Variants in SH2B3 observed in about 807,000 individuals in gnomAD.
The protein encoded by SH2B3 is SH2B adaptor protein 3.
SH2B3 carries 43 observed loss-of-function variants against 51.9 expected under a neutral mutation model. The observed-to-expected ratio is 0.83, with a 90% CI of 0.65 to 1.07. SH2B3 has a LOEUF of 1.07. Among genes scored for constraint, SH2B3 ranks in the 50% least tolerant of loss-of-function variants. SH2B3 has a pLI of 0.00. For missense variants in SH2B3, 952 were observed against 834.3 expected (o/e 1.14, Z -1.74); for synonymous variants, 396 against 376.0 (o/e 1.05, Z -0.62).
Position 111,410,077 on chromosome 12 carries a change from G to T in SH2B3, c.-28+3800G>T, listed in dbSNP as rs970054136. On this transcript the variant is annotated intron_variant, in intron 1 of 7. Transcript: ENST00000341259. The surrounding 1 kb of genome is among the most constrained non-coding windows in gnomAD (Gnocchi z 4.9). ...CCCCCCGGCTGGCCAGTGGGGAGCC[G>T]GCTGCTGCCCAGGACATGTGTCCCC... is the stretch of plus-strand genomic sequence containing the variant. Among the ~76,000 whole-genome samples, 3 of 152,162 alleles carry T rather than the reference G, an allele frequency of 2.0e-5. No homozygotes were observed. The highest frequency in any genetic ancestry group is 7.2e-5 in the African/African-American group (3 of 41,444).
chr12:111,436,072 T>G (rs1241290978), intron 2 of SH2B3, among the ~76,000 whole-genome samples: 1 of 152,184 alleles, frequency 6.6e-6, no homozygotes, highest in Non-Finnish European at 1.5e-5. Flanking sequence ...TGGAAGCTGC[T>G]GCATGCCCTG....
intron 2 of SH2B3, among the ~76,000 whole-genome samples, chr12:111,421,066 T>A (rs1011216985): frequency 6.6e-6 from 1 of 152,132 alleles, no homozygotes; most frequent in Non-Finnish European, 1.5e-5. Context: ...ACATACCACC[T>A]CTTATCACCA....
In SH2B3 at chr12:111,413,898, G is replaced by A. The variant is rs542684878; in HGVS notation, c.-27-4221G>A. 7.9e-5 allele frequency among the ~76,000 whole-genome samples: 12 copies of A among 152,364 alleles called. No individual in the cohort carries two copies. In the South Asian group the frequency reaches 2.5e-3, roughly 32 times the overall value. ...AAGGTCAAGTTCAGTTGGGAGCTCAGAAGAGGCTTCTCTTATGTGCAATTG... is the reference window on the plus strand; with the variant it reads ...AAGGTCAAGTTCAGTTGGGAGCTCAAAAGAGGCTTCTCTTATGTGCAATTG... On this transcript the variant is annotated intron_variant, in intron 1 of 7. Transcript: ENST00000341259.
chr12:111,430,606 C>T (rs536368543), intron 2 of SH2B3, among the ~76,000 whole-genome samples: 28 of 152,086 alleles, frequency 1.8e-4, no homozygotes, highest in African/African-American at 5.5e-4. Context: ...GGTCCAGGGG[C>T]GAAGGGTGGA....
intron 2 of SH2B3, among the ~76,000 whole-genome samples, chr12:111,430,743 A>C (rs895831775): frequency 1.3e-5 from 2 of 152,178 alleles, no homozygotes; most frequent in African/African-American, 4.8e-5. Context: ...ATGGGATGCC[A>C]GCACTTGCCT....
rs1874069606 is a variant in SH2B3 at position 111,447,166 on chromosome 12, T to C, written c.968T>C (p.Leu323Pro). Reference protein sequence around the residue: ...TEAEMHIPSALEPSTSSSPRG... With the variant: ...TEAEMHIPSAPEPSTSSSPRG... ...GCAGAGATGCATATTCCCTCAGCCC[T>C]AGAGCCTAGCACGTCCAGCTCCCCA... The change falls in exon 5 of 8, where the codon CTA becomes CCA. Residue 323 changes from leucine (L) to proline (P), a missense_variant. Coordinates refer to ENST00000341259, the MANE Select transcript of SH2B3 (RefSeq NM_005475.3). 1 of 1,614,076 alleles carries C rather than the reference T, an allele frequency of 6.2e-7. No individual in the cohort carries two copies. Among genetic ancestry groups the C allele is most frequent in the East Asian group, 2.2e-5 (1 of 44,866 alleles).
At chr12:111,412,473 G>A (rs905377243) in intron 1 of SH2B3, among the ~76,000 whole-genome samples, 2 of 152,340 alleles carry the variant, frequency 1.3e-5, no homozygotes, top group African/African-American at 4.8e-5. Flanking sequence ...CATGGCGGGC[G>A]AGCCTGACTC....
Position 111,447,547 on chromosome 12 carries a change from A to T in SH2B3, c.1236+3A>T. 11 of 587,534 alleles carry T rather than the reference A, an allele frequency of 1.9e-5. No homozygotes were observed. Among genetic ancestry groups the T allele is most frequent in the South Asian group, 1.1e-4 (6 of 56,020 alleles). 36.4% of individuals were successfully genotyped at this position (587,534 alleles called of 1,614,324 possible). On this transcript the variant is annotated splice_donor_region_variant and intron_variant, in intron 6 of 7. Transcript: ENST00000341259. ...TCAACTTTCAGGGGATAGCCAAGGT[A>T]TGGGGTGGGGTGGGGTGGGGTGGGG... is the stretch of plus-strand genomic sequence containing the variant.
chr12:111,408,709 T>C (rs1870436809), intron 1 of SH2B3, among the ~76,000 whole-genome samples: 1 of 152,054 alleles, frequency 6.6e-6, no homozygotes, highest in African/African-American at 2.4e-5. Flanking sequence ...TGTCCCACAG[T>C]CTGGGCCAAT....
rs975460230 is a variant in SH2B3, at chr12:111,409,315, C to G, written c.-28+3038C>G. On this transcript the variant is annotated intron_variant, in intron 1 of 7. Coordinates refer to ENST00000341259, the MANE Select transcript of SH2B3 (RefSeq NM_005475.3). The surrounding 1 kb of genome is among the most constrained non-coding windows in gnomAD (Gnocchi z 4.0). ...TGGTTTTGAGAAAAGGAGGCATGCA[C>G]AGTGCCCGGCATGCAATTGGCACTC... Among the ~76,000 whole-genome samples, 3 of 152,332 alleles carry G rather than the reference C, an allele frequency of 2.0e-5. No homozygotes were observed. The East Asian group carries it at 5.8e-4, about 29-fold the overall frequency.
In SH2B3 at chr12:111,407,314, A is replaced by C. The variant is rs1316232047; in HGVS notation, c.-28+1037A>C. The stretch of plus-strand genomic sequence containing the variant: ...TTCAGAGCAGAGGCCCCGGCAAGGC[A>C]ATGTCGGCAAGGCCAGCTTTGGTGG... On this transcript the variant is annotated intron_variant, in intron 1 of 7. Transcript: ENST00000341259. This position sits in a 1 kb window ranked among gnomAD's most constrained non-coding sequence, Gnocchi z 4.3. Among the ~76,000 whole-genome samples, 1 of 152,068 alleles carries C rather than the reference A, an allele frequency of 6.6e-6. No individual in the cohort carries two copies. Among genetic ancestry groups the C allele is most frequent in the Non-Finnish European group, 1.5e-5 (1 of 68,010 alleles).
At chr12:111,439,983 C>T (rs1021342621) in intron 2 of SH2B3, among the ~76,000 whole-genome samples, 10 of 152,196 alleles carry the variant, frequency 6.6e-5, no homozygotes, top group African/African-American at 2.4e-4. Flanking sequence ...CCGTGCCTCC[C>T]CTCCTGCACA....
In SH2B3 at chr12:111,418,239, T is replaced by C; in HGVS notation, c.94T>C (p.Leu32=). ...GCGGGGCTGGAGCGAGTTCTGTGAG[T>C]TGCACGCCGTAGCGGCGGCCCGGGA... The part of the protein sequence containing the change: ...APRGWSEFCE[L]HAVAAARELA... Residue 32 remains leucine (L), a synonymous_variant, in exon 2 of 8, where the codon TTG becomes CTG. Transcript: ENST00000341259. The surrounding 1 kb of genome is among the most constrained non-coding windows in gnomAD (Gnocchi z 6.7). 1 of 1,565,904 alleles carries C rather than the reference T, an allele frequency of 6.4e-7. No individual in the cohort carries two copies. The highest frequency in any genetic ancestry group is 8.6e-7 in the Non-Finnish European group (1 of 1,165,026).
chr12:111,447,270 G>C (rs762567092), intron 5 of SH2B3, 51 bp downstream of exon 5: 2 of 1,592,040 alleles, frequency 1.3e-6, no homozygotes, highest in Middle Eastern at 1.7e-4. Flanking sequence ...CTGGAACCCA[G>C]ACTCAGCCCA....
At position 111,418,574 on chromosome 12, in the gene SH2B3, C is replaced by T. The variant is rs1422809153; in HGVS notation, c.429C>T (p.Arg143=). The T allele has an allele frequency of 1.1e-5, 16 of 1,484,022 alleles. No individual in the cohort carries two copies. Among genetic ancestry groups the T allele is most frequent in the South Asian group, 1.2e-5 (1 of 80,552 alleles). The allele number at this position is 1,484,022 out of a possible 1,614,324, so 91.9% of individuals were successfully genotyped here. ...TCCAGCACTTTCGCCGCAGCCTCCG[C>T]CACATCTTCCGCCGCCGCTCGGCCG... is the stretch of plus-strand genomic sequence containing the variant. ...CSFQHFRRSL[R]HIFRRRSAGE... is the part of the protein sequence containing the mutation. Residue 143 remains arginine, a synonymous_variant, in exon 2 of 8, where the codon CGC becomes CGT. Coordinates refer to ENST00000341259, the MANE Select transcript of SH2B3 (RefSeq NM_005475.3). The surrounding 1 kb of genome is among the most constrained non-coding windows in gnomAD (Gnocchi z 6.7).
chr12:111,436,338 C>T (rs566782801), intron 2 of SH2B3, among the ~76,000 whole-genome samples: 10 of 152,304 alleles, frequency 6.6e-5, no homozygotes, highest in Non-Finnish European at 1.0e-4. Context: ...GACTTCCTGT[C>T]CATGTTTTGG....
rs572495880 is a variant in SH2B3, at chr12:111,446,813, C to A, written c.793C>A (p.Arg265=). The change falls in exon 3 of 8, where the codon CGG becomes AGG. Residue 265 remains arginine, a synonymous_variant. Transcript: ENST00000341259. The part of the protein sequence containing the change: ...SSIQEVRWCT[R]LEMPDNLYTF... ...CATCCAGGAGGTCCGGTGGTGCACA[C>A]GGCTTGAGATGCCTGACAACCTTTA... 1.3e-6 allele frequency: 2 copies of A among 1,580,742 alleles called. No individual in the cohort carries two copies. The highest frequency in any genetic ancestry group is 1.7e-6 in the Non-Finnish European group (2 of 1,160,500).
chr12:111,437,211 T>C (rs1436425427), intron 2 of SH2B3, among the ~76,000 whole-genome samples: 1 of 152,050 alleles, frequency 6.6e-6, no homozygotes, highest in Non-Finnish European at 1.5e-5. Flanking sequence ...GGATGAGCAC[T>C]TGGGTAGGGG....
chr12:111,411,615 G>T (rs1262058747), intron 1 of SH2B3, among the ~76,000 whole-genome samples: 2 of 152,226 alleles, frequency 1.3e-5, no homozygotes, highest in South Asian at 4.2e-4. Flanking sequence ...GTGGCTCCAG[G>T]GTGCCTGGGG....
Sources: gnomAD v4.1 joint callset for allele counts (sites outside exome capture counted in the v4.1 genomes callset) on GRCh38, gnomAD v4.1.1 for gene constraint, Gnocchi (gnomAD v3.1) non-coding constraint, MANE v1.5 for transcripts, NCBI Gene and HGNC (gene_info 2026-07-23, HGNC 2026-07-21) for gene names.